Variants in KCNMA1 observed in about 807,000 individuals in gnomAD.
KCNMA1 encodes the protein potassium calcium-activated channel subfamily M alpha 1, also known as Calcium-activated potassium channel subunit alpha-1.
KCNMA1 carries 29 observed loss-of-function variants against 140.0 expected under a neutral mutation model. That is an observed-to-expected ratio of 0.21 (90% confidence interval 0.15 to 0.28). The LOEUF is 0.28. Ranked by LOEUF, KCNMA1 falls within the 10% of genes least tolerant of loss-of-function variation. The pLI, the probability that KCNMA1 is intolerant of heterozygous loss-of-function variation, is 1.00. For synonymous variants in KCNMA1, 612 were observed against 611.9 expected (o/e 1.00, Z 0.00); for missense variants, 880 against 1,602.2 (o/e 0.55, Z 7.70).
chr10:77,084,210 G>A (rs773385623), intron 12 of KCNMA1, among the ~76,000 whole-genome samples: 35 of 152,090 alleles, frequency 2.3e-4, no homozygotes, highest in Non-Finnish European at 4.6e-4. Context: ...CCAGCAGCAC[G>A]GTCCCCTAGT....
chr10:77,606,165 T>A (rs920209226), intron 1 of KCNMA1, among the ~76,000 whole-genome samples: 1 of 152,184 alleles, frequency 6.6e-6, no homozygotes, highest in African/African-American at 2.4e-5. Flanking sequence ...AGGTAACAGA[T>A]AATACTGCTG....
chr10:77,198,535 A>G (rs1273085556), intron 3 of KCNMA1, among the ~76,000 whole-genome samples: 1 of 148,154 alleles, frequency 6.7e-6, no homozygotes, highest in Non-Finnish European at 1.5e-5. Context: ...TTTCTTATCA[A>G]AATCAATTCA....
chr10:76,944,072 C>T (rs2152875303), intron 23 of KCNMA1, among the ~76,000 whole-genome samples: 2 of 152,278 alleles, frequency 1.3e-5, no homozygotes, highest in South Asian at 4.2e-4. Context: ...TCCTATCCTG[C>T]CAGATCCTGA....
intron 2 of KCNMA1, among the ~76,000 whole-genome samples, chr10:77,318,475 G>A (rs1391246369): frequency 6.6e-6 from 1 of 152,052 alleles, no homozygotes; most frequent in African/African-American, 2.4e-5. Context: ...ACAACCAGAG[G>A]GCCCCATGGG....
intron 1 of KCNMA1, among the ~76,000 whole-genome samples, chr10:77,441,107 GC>G (rs1475471293): frequency 6.6e-6 from 1 of 152,120 alleles, no homozygotes; most frequent in Non-Finnish European, 1.5e-5. Context: ...ACAGGCGTGA[GC>G]CACCGCGCCC....
chr10:77,417,267 G>A (rs1419553092), intron 1 of KCNMA1, among the ~76,000 whole-genome samples: 1 of 152,232 alleles, frequency 6.6e-6, no homozygotes, highest in Non-Finnish European at 1.5e-5. Context: ...GTCCATGCAT[G>A]TTGCATTGCC....
At chr10:77,556,782 T>A (rs1278381142) in intron 1 of KCNMA1, among the ~76,000 whole-genome samples, 1 of 152,098 alleles carries the variant, frequency 6.6e-6, no homozygotes, top group Non-Finnish European at 1.5e-5. Context: ...CACACAATAG[T>A]CATTCCATGG....
At chr10:77,081,156 C>A (rs529360373) in intron 12 of KCNMA1, among the ~76,000 whole-genome samples, 1 of 152,128 alleles carries the variant, frequency 6.6e-6, no homozygotes, top group East Asian at 1.9e-4. Flanking sequence ...AATGGAAACA[C>A]GTGGGTTCCA....
chr10:77,090,571 C>G, intron 9 of KCNMA1, 61 bp from the exon 10 acceptor site: 1 of 1,106,278 alleles, frequency 9.0e-7, no homozygotes, highest in Non-Finnish European at 1.4e-6. Context: ...GCATCCCACC[C>G]CCTGGCAAGA....
At chr10:77,574,270 A>G (rs1157638370) in intron 1 of KCNMA1, among the ~76,000 whole-genome samples, 3 of 151,736 alleles carry the variant, frequency 2.0e-5, no homozygotes, top group Non-Finnish European at 4.4e-5. Flanking sequence ...GTATATATAT[A>G]TATATATAAA....
chr10:77,451,020 C>T (rs1233525876), intron 1 of KCNMA1, among the ~76,000 whole-genome samples: 1 of 152,122 alleles, frequency 6.6e-6, no homozygotes, highest in Admixed American at 6.5e-5. Context: ...CCTCATTTAC[C>T]TTCTGCCATG....
At chr10:77,158,469 A>G (rs758255830) in intron 5 of KCNMA1, among the ~76,000 whole-genome samples, 22 of 152,010 alleles carry the variant, frequency 1.4e-4, no homozygotes, top group Admixed American at 2.0e-4. Context: ...CGGCCATGGG[A>G]GTCTCCTCTC....
chr10:77,153,909 A>T (rs1024087689), intron 5 of KCNMA1, among the ~76,000 whole-genome samples: 1 of 152,070 alleles, frequency 6.6e-6, no homozygotes, highest in Admixed American at 6.6e-5. Context: ...TTGCTTATTA[A>T]CTTTCCCAAC....
intron 23 of KCNMA1, among the ~76,000 whole-genome samples, chr10:76,921,350 A>T (rs2055689297): frequency 6.6e-6 from 1 of 152,230 alleles, no homozygotes; most frequent in Admixed American, 6.5e-5. Flanking sequence ...TACATCATCT[A>T]TGAGATGAAT....
chr10:77,389,393 A>ATGGAGGCGCTTCTACCTC (rs1165021054), intron 2 of KCNMA1, among the ~76,000 whole-genome samples: 10 of 152,176 alleles, frequency 6.6e-5, no homozygotes, highest in Non-Finnish European at 1.2e-4. Flanking sequence ...GTACACAGAG[A>ATGGAGGCGCTTCTACCTC]TGGAGGCGCT....
intron 5 of KCNMA1, among the ~76,000 whole-genome samples, chr10:77,176,900 A>C (rs2098755579): frequency 6.6e-6 from 1 of 152,190 alleles, no homozygotes; most frequent in South Asian, 2.1e-4. Flanking sequence ...AGATGGGAAG[A>C]GTATCCTGGA....
At chr10:77,299,745 GCCTACACTC>G (rs1041778366) in intron 2 of KCNMA1, among the ~76,000 whole-genome samples, 5 of 152,168 alleles carry the variant, frequency 3.3e-5, no homozygotes, top group African/African-American at 1.2e-4. Flanking sequence ...GTCCTGTTCA[GCCTACACTC>G]CCCTTTTCCA....
chr10:77,040,592 G>T (rs1191155075), intron 14 of KCNMA1, among the ~76,000 whole-genome samples: 2 of 152,092 alleles, frequency 1.3e-5, no homozygotes, highest in African/African-American at 4.8e-5. Context: ...GCCATAAAAA[G>T]AATTTAGGAA....
chr10:77,049,587 A>G (rs1424787216), intron 14 of KCNMA1, among the ~76,000 whole-genome samples: 1 of 152,232 alleles, frequency 6.6e-6, no homozygotes, highest in Non-Finnish European at 1.5e-5. Flanking sequence ...GCAGCACAGT[A>G]CTTTGCAAAT....
Sources: allele counts gnomAD v4.1 joint callset (sites outside exome capture counted in the v4.1 genomes callset), GRCh38; gene constraint gnomAD v4.1.1; transcripts MANE v1.5; gene names NCBI Gene and HGNC (gene_info 2026-07-23, HGNC 2026-07-21).